Variants in OTUD7B observed in about 807,000 individuals in gnomAD.
OTUD7B encodes the protein OTU domain-containing protein 7B.
A neutral mutation model predicts 82.2 loss-of-function variants in OTUD7B; 34 were observed. That is an observed-to-expected ratio of 0.41 (90% CI 0.31 to 0.55). OTUD7B has a LOEUF of 0.55. Among genes scored for constraint, OTUD7B ranks in the 20% least tolerant of loss-of-function variants. OTUD7B has a pLI of 0.20. For missense variants in OTUD7B, 944 were observed against 1,062.1 expected (o/e 0.89, Z 1.55); for synonymous variants, 398 against 402.7 (o/e 0.99, Z 0.14).
Position 149,943,837 on chromosome 1 carries a change from CCCT to C in OTUD7B, c.*17_*19del, listed in dbSNP as rs782684379. ...AGCTTAACTTTGTTTAGCCTCCTTG[CCCT>C]TCAGTGTTCCACCCGTTCAGAACCT... On this transcript the variant is annotated 3_prime_UTR_variant, in exon 12 of 12. Transcript: ENST00000581312. 1.9e-6 allele frequency: 3 copies of C among 1,609,822 alleles called. No individual in the cohort carries two copies. The highest frequency in any genetic ancestry group is 2.5e-6 in the Non-Finnish European group (3 of 1,177,184).
At chr1:149,948,376 CTT>C (rs1170239992) in intron 10 of OTUD7B, among the ~76,000 whole-genome samples, 1 of 142,286 alleles carries the variant, frequency 7.0e-6, no homozygotes. Context: ...TTCTTTCTTT[CTT>C]TTTTTTTTTT....
Position 149,944,821 on chromosome 1 carries a change from C to G in OTUD7B, c.1568G>C (p.Gly523Ala). 1.2e-6 allele frequency: 2 copies of G among 1,614,132 alleles called. No homozygotes were observed. The highest frequency in any genetic ancestry group is 1.7e-6 in the Non-Finnish European group (2 of 1,180,026). Residue 523 changes from glycine (G) to alanine (A), a missense_variant, in exon 12 of 12, where the codon GGC becomes GCC. By Grantham distance (60) the Gly-to-Ala change is moderately conservative. Around this residue, in one of 3 missense-constraint regions of OTUD7B, gnomAD observed 412 missense variants for 418.7 expected, o/e 0.98. Coordinates refer to ENST00000581312, the MANE Select transcript of OTUD7B (RefSeq NM_020205.4). ...CTTTGAACCCTTGCTGTGCATCAGG[C>G]CCCCCATGTTCTTCTTGAGCTTGCT... ...LGSKLKKNMGGLMHSKGSKPG... is the reference protein window; with the variant it reads ...LGSKLKKNMGALMHSKGSKPG...
At chr1:150,008,510 G>C (rs369907785) in intron 1 of OTUD7B, among the ~76,000 whole-genome samples, 1 of 152,136 alleles carries the variant, frequency 6.6e-6, no homozygotes. Flanking sequence ...ACCAGTCACC[G>C]GGCCTTATAC....
the OTUD7B span, among the ~76,000 whole-genome samples, chr1:150,052,850 A>C: frequency 1.6e-4 from 24 of 151,010 alleles, 1 homozygote; most frequent in East Asian, 3.3e-3. Context: ...ACATAGACCA[A>C]TGAAACAGAA....
chr1:149,952,913 CTTTG>C lies in OTUD7B; in HGVS notation c.846-2696_846-2693del, dbSNP rs782625614. Among the ~76,000 whole-genome samples the C allele has an allele frequency of 1.2e-4, 18 of 151,934 alleles. No individual in the cohort carries two copies. The South Asian group carries it at 2.1e-3, about 17-fold the overall frequency. ...TGATGGGGTTGATTTTTTCTTATAACTTTGTTTAAGTTCTTTGTAGATTCTGGAT... is the reference window on the plus strand; with the variant it reads ...TGATGGGGTTGATTTTTTCTTATAACTTTAAGTTCTTTGTAGATTCTGGAT... On this transcript the variant is annotated intron_variant, in intron 7 of 11. Coordinates refer to ENST00000581312, the MANE Select transcript of OTUD7B (RefSeq NM_020205.4).
At chr1:149,948,921 G>A in intron 10 of OTUD7B, 48 bp downstream of exon 10, 3 of 1,242,430 alleles carry the variant, frequency 2.4e-6, no homozygotes, top group East Asian at 2.3e-5. Flanking sequence ...TGCCACATGT[G>A]GAAGAAATCC....
chr1:150,007,909 T>G (rs1039320775), intron 1 of OTUD7B, among the ~76,000 whole-genome samples: 3 of 152,188 alleles, frequency 2.0e-5, no homozygotes, highest in African/African-American at 7.2e-5. Flanking sequence ...GTTTAAGGAT[T>G]TTCCCTTTGG....
At chr1:149,959,616 C>T (rs1571624486) in intron 7 of OTUD7B, 68 bp downstream of exon 7, 1 of 923,002 alleles carries the variant, frequency 1.1e-6, no homozygotes, top group East Asian at 2.4e-5. Flanking sequence ...GCTCTCTAGA[C>T]ACTGGGCTGT....
chr1:150,011,020 G>A (rs782232129), upstream of OTUD7B, among the ~76,000 whole-genome samples: 1 of 152,320 alleles, frequency 6.6e-6, no homozygotes, highest in Non-Finnish European at 1.5e-5. Flanking sequence ...CGTTGGGAAG[G>A]AGCTGAAAGG....
At chr1:149,979,993 C>T (rs1650604075) in intron 1 of OTUD7B, among the ~76,000 whole-genome samples, 1 of 151,822 alleles carries the variant, frequency 6.6e-6, no homozygotes, top group African/African-American at 2.4e-5. Context: ...GAGAAATATA[C>T]AATAAGTACA....
In OTUD7B at chr1:149,943,644, A is replaced by G. The variant is rs1553770980; in HGVS notation, c.*213T>C. ...CAAACCTCATCAAGTCAAGCTCTGC[A>G]GAGGAATAGTACAGCCCCTGAGGTG... is the stretch of plus-strand genomic sequence containing the variant. On this transcript the variant is annotated 3_prime_UTR_variant, in exon 12 of 12. Coordinates refer to ENST00000581312, the MANE Select transcript of OTUD7B (RefSeq NM_020205.4). The G allele has an allele frequency of 1.7e-6, 1 of 582,738 alleles. No homozygotes were observed. The highest frequency in any genetic ancestry group is 3.1e-6 in the Non-Finnish European group (1 of 327,016). The allele number at this position is 582,738 out of a possible 1,614,324, so 36.1% of individuals were successfully genotyped here.
At chr1:149,992,307 G>A (rs1651623182) in intron 1 of OTUD7B, among the ~76,000 whole-genome samples, 1 of 152,092 alleles carries the variant, frequency 6.6e-6, no homozygotes, top group African/African-American at 2.4e-5. Flanking sequence ...AACTGAATTT[G>A]TAAGTATTCT....
At chr1:149,999,883 A>C (rs1553784271) in intron 1 of OTUD7B, among the ~76,000 whole-genome samples, 1 of 152,242 alleles carries the variant, frequency 6.6e-6, no homozygotes, top group East Asian at 1.9e-4. Flanking sequence ...AAAAGGCACT[A>C]GTAGACTAAC....
the OTUD7B span, among the ~76,000 whole-genome samples, chr1:150,018,310 T>C: frequency 6.6e-6 from 1 of 152,160 alleles, no homozygotes; most frequent in Admixed American, 6.5e-5. Context: ...GAAGGGAAAC[T>C]GAGGGGCCAA....
At chr1:149,948,001 T>C (rs1647884590) in intron 10 of OTUD7B, among the ~76,000 whole-genome samples, 1 of 152,188 alleles carries the variant, frequency 6.6e-6, no homozygotes, top group African/African-American at 2.4e-5. Flanking sequence ...ATTTTTTGGA[T>C]GGAGTTTCAC....
chr1:149,986,688 TAA>T (rs1468612798), intron 1 of OTUD7B, among the ~76,000 whole-genome samples: 2 of 152,128 alleles, frequency 1.3e-5, no homozygotes, highest in Non-Finnish European at 2.9e-5. Context: ...TCAAAAACTT[TAA>T]AAAGTCAGAG....
chr1:149,982,182 TAA>T (rs1445411085), intron 1 of OTUD7B, among the ~76,000 whole-genome samples: 2 of 148,936 alleles, frequency 1.3e-5, no homozygotes, highest in Non-Finnish European at 3.0e-5. Context: ...ATATAAAAAA[TAA>T]AAACATTCTT....
intron 3 of OTUD7B, among the ~76,000 whole-genome samples, chr1:149,970,159 G>A (rs1035342153): frequency 2.7e-5 from 4 of 150,448 alleles, no homozygotes; most frequent in Non-Finnish European, 5.9e-5. Flanking sequence ...GCCAGGTGCA[G>A]TGGCTCACAC....
chr1:150,018,159 G>A, the OTUD7B span, among the ~76,000 whole-genome samples: 1 of 152,152 alleles, frequency 6.6e-6, no homozygotes, highest in Non-Finnish European at 1.5e-5. Flanking sequence ...AAATCCTGAG[G>A]TCCAAAGAAA....
Sources: allele counts gnomAD v4.1 joint callset (sites outside exome capture counted in the v4.1 genomes callset), GRCh38; gene constraint gnomAD v4.1.1; regional missense constraint gnomAD v4.1.1; transcripts MANE v1.5; gene names NCBI Gene and HGNC (gene_info 2026-07-23, HGNC 2026-07-21).